Variants in PRKCQ observed in about 807,000 individuals in gnomAD.
PRKCQ encodes the protein protein kinase C theta type.
Under a neutral mutation model 91.2 loss-of-function variants are expected in PRKCQ, and 41 were observed. That is an observed-to-expected ratio of 0.45 (90% CI 0.35 to 0.58). The LOEUF (loss-of-function observed/expected upper bound fraction) is 0.58, where lower values mean the gene tolerates loss of function less well. PRKCQ is among the 20% of genes least tolerant of loss of function. PRKCQ has a pLI of 0.00. For missense variants in PRKCQ, 673 were observed against 896.5 expected (o/e 0.75, Z 3.18); for synonymous variants, 307 against 316.9 (o/e 0.97, Z 0.33).
At position 6,464,422 on chromosome 10, in the gene PRKCQ, A is replaced by C. The variant is rs1405373060; in HGVS notation, c.1354-18T>G. On this transcript the variant is annotated intron_variant, in intron 12 of 17. Transcript: ENST00000263125. ...AGGTTTTCCTGTGGAAAAACAAAAC[A>C]ATTCCAACTTTTATTTCATTTCATT... 4 of 1,543,866 alleles carry C rather than the reference A, an allele frequency of 2.6e-6. No individual in the cohort carries two copies. The highest frequency in any genetic ancestry group is 3.8e-5 in the Admixed American group (2 of 52,750).
At chr10:6,556,434 GAAAAAAA>G (rs919270279) in intron 1 of PRKCQ, among the ~76,000 whole-genome samples, 1 of 12,312 alleles carries the variant, frequency 8.1e-5, no homozygotes, top group African/African-American at 1.4e-4. Flanking sequence ...CCTGTCTTGG[GAAAAAAA>G]AAAAAAAAAA....
At chr10:6,485,471 T>C (rs1836856318) in intron 9 of PRKCQ, among the ~76,000 whole-genome samples, 1 of 152,238 alleles carries the variant, frequency 6.6e-6, no homozygotes, top group Non-Finnish European at 1.5e-5. Flanking sequence ...CCGAACACGT[T>C]TGCCTCCTTC....
chr10:6,579,460 C>G (rs1841368185), intron 1 of PRKCQ, among the ~76,000 whole-genome samples: 1 of 152,156 alleles, frequency 6.6e-6, no homozygotes, highest in South Asian at 2.1e-4. Flanking sequence ...CCGTGGACCT[C>G]TCTTCATGCC....
chr10:6,520,131 G>A (rs1379130041), intron 1 of PRKCQ, among the ~76,000 whole-genome samples: 2 of 152,174 alleles, frequency 1.3e-5, no homozygotes, highest in Non-Finnish European at 2.9e-5. Flanking sequence ...CCCCTTGTCT[G>A]AGCAATAAAG....
At chr10:6,420,145 C>T in the PRKCQ span, among the ~76,000 whole-genome samples, 1 of 152,104 alleles carries the variant, frequency 6.6e-6, no homozygotes, top group South Asian at 2.1e-4. Flanking sequence ...CGCACTACCA[C>T]ACCTGGCTAA....
At chr10:6,485,337 C>T (rs572016206) in intron 9 of PRKCQ, 68 bp from the exon 10 acceptor site, 51 of 1,213,020 alleles carry the variant, frequency 4.2e-5, no homozygotes, top group South Asian at 2.5e-4. Context: ...AGCCTGCTAA[C>T]GATGGGGACA....
At position 6,564,667 on chromosome 10, in the gene PRKCQ, G is replaced by A. The variant is rs575072577; in HGVS notation, c.-10+15544C>T. 2.6e-5 allele frequency among the ~76,000 whole-genome samples: 4 copies of A among 152,024 alleles called. No individual in the cohort carries two copies. In the South Asian group the frequency reaches 6.2e-4, roughly 24 times the overall value. On this transcript the variant is annotated intron_variant, in intron 1 of 17. Coordinates refer to ENST00000263125, the MANE Select transcript of PRKCQ (RefSeq NM_006257.5). ...TAGGGATGCTCTGAAGACCAAAACC[G>A]CCAAGCCAAGGCTGACCCAAATCCC...
chr10:6,452,282 A>C (rs957168969), intron 15 of PRKCQ, among the ~76,000 whole-genome samples: 10 of 152,206 alleles, frequency 6.6e-5, no homozygotes, highest in African/African-American at 2.4e-4. Context: ...GACACCAATA[A>C]CAGACAGAGA....
At chr10:6,446,950 C>A (rs907499910) in intron 15 of PRKCQ, among the ~76,000 whole-genome samples, 2 of 152,198 alleles carry the variant, frequency 1.3e-5, no homozygotes, top group African/African-American at 4.8e-5. Context: ...AGGCGGGGCT[C>A]TGCCACCATG....
At chr10:6,510,886 G>A (rs777695256) in intron 3 of PRKCQ, 109 bp downstream of exon 3, 26 of 1,252,374 alleles carry the variant, frequency 2.1e-5, no homozygotes, top group Admixed American at 3.6e-5. Flanking sequence ...GGAGCCTGGT[G>A]ACCCGAGGCC....
intron 8 of PRKCQ, among the ~76,000 whole-genome samples, chr10:6,490,700 G>A (rs754045259): frequency 1.3e-5 from 2 of 151,972 alleles, no homozygotes; most frequent in African/African-American, 2.4e-5. Context: ...AGCTGTGATC[G>A]AGCCACTGCA....
chr10:6,552,357 C>T (rs189989487), intron 1 of PRKCQ, among the ~76,000 whole-genome samples: 94 of 152,220 alleles, frequency 6.2e-4, no homozygotes, highest in African/African-American at 1.8e-3. Context: ...TTTATATTCT[C>T]CTGCAACTCC....
intron 11 of PRKCQ, among the ~76,000 whole-genome samples, chr10:6,480,756 G>A (rs1836551339): frequency 6.6e-6 from 1 of 152,186 alleles, no homozygotes; most frequent in African/African-American, 2.4e-5. Flanking sequence ...TTTGGGAAAG[G>A]CCGAAGTCAA....
At chr10:6,503,729 T>C (rs1312246655) in intron 4 of PRKCQ, among the ~76,000 whole-genome samples, 1 of 152,212 alleles carries the variant, frequency 6.6e-6, no homozygotes, top group Non-Finnish European at 1.5e-5. Flanking sequence ...TTAAGAGATA[T>C]TCTCAACATT....
chr10:6,531,666 A>G (rs1258187049), intron 1 of PRKCQ, among the ~76,000 whole-genome samples: 1 of 151,986 alleles, frequency 6.6e-6, no homozygotes, highest in South Asian at 2.1e-4. Flanking sequence ...TCTCTTTCCC[A>G]TATTCCCTTC....
intron 2 of PRKCQ, among the ~76,000 whole-genome samples, chr10:6,513,754 T>C (rs1838611580): frequency 6.6e-6 from 1 of 152,186 alleles, no homozygotes; most frequent in Non-Finnish European, 1.5e-5. Flanking sequence ...AAAAAGGCTT[T>C]TGGTGGGGGA....
At chr10:6,452,607 A>C (rs1410462156) in intron 15 of PRKCQ, among the ~76,000 whole-genome samples, 2 of 149,900 alleles carry the variant, frequency 1.3e-5, no homozygotes, top group Non-Finnish European at 3.0e-5. Context: ...AAGAACCCGC[A>C]TCACCAAGTC....
At chr10:6,397,416 AT>A in the PRKCQ span, among the ~76,000 whole-genome samples, 60,285 of 151,986 alleles carry the variant, frequency 0.4, 14,097 homozygotes, top group East Asian at 0.81. Flanking sequence ...TTTAAATTGA[AT>A]TTTTGTCATC....
At chr10:6,416,246 T>C in the PRKCQ span, among the ~76,000 whole-genome samples, 10 of 150,312 alleles carry the variant, frequency 6.7e-5, no homozygotes, top group Non-Finnish European at 1.5e-4. Flanking sequence ...TTTTTGGGGG[T>C]GCAGGTGGTT....
Sources: allele counts gnomAD v4.1 joint callset (sites outside exome capture counted in the v4.1 genomes callset), GRCh38; gene constraint gnomAD v4.1.1; transcripts MANE v1.5; gene names NCBI Gene and HGNC (gene_info 2026-07-23, HGNC 2026-07-21).